Variants in ANO1 observed in about 807,000 individuals in gnomAD.
ANO1 encodes the protein anoctamin 1.
In ANO1, 59 loss-of-function variants were observed where a neutral mutation model predicts 124.0. The observed-to-expected ratio is 0.48, with a 90% CI of 0.39 to 0.59. The LOEUF is 0.59. Ranked by LOEUF, ANO1 falls within the 20% of genes least tolerant of loss-of-function variation. ANO1 has a pLI of 0.00. For synonymous variants in ANO1, 529 were observed against 532.0 expected (o/e 0.99, Z 0.08); for missense variants, 1,059 against 1,328.0 (o/e 0.80, Z 3.15).
upstream of ANO1, among the ~76,000 whole-genome samples, chr11:70,075,690 T>C (rs919181914): frequency 6.6e-6 from 1 of 152,084 alleles, no homozygotes; most frequent in African/African-American, 2.4e-5. Context: ...GTTTTAGTGA[T>C]AAAAATCACT....
In ANO1 at chr11:70,132,017, G is replaced by T. The variant is rs776936154; in HGVS notation, c.1196G>T (p.Arg399Leu). Residue 399 changes from arginine to leucine, a missense_variant, in exon 11 of 26, where the codon CGC becomes CTC. Arg to Leu is a moderately radical substitution (Grantham distance 102). Coordinates refer to ENST00000355303, the MANE Select transcript of ANO1 (RefSeq NM_018043.7). ...WKMSSACATA[R>L]ASHLFDNPAT... ...ATGAGCTCAGCCTGCGCCACGGCCC[G>T]CGCCAGCCACCTCTTCGACAACCCC... 4.4e-6 allele frequency: 7 copies of T among 1,606,460 alleles called. No individual in the cohort carries two copies. In the East Asian group the frequency reaches 6.7e-5, roughly 15 times the overall value.
At chr11:69,994,913 C>T (rs1350065842) in intron 1 of ANO1, among the ~76,000 whole-genome samples, 3 of 152,134 alleles carry the variant, frequency 2.0e-5, no homozygotes. Context: ...TTGTAATCAT[C>T]ACCATCATTC....
At chr11:70,088,444 G>A (rs1346515388) in intron 2 of ANO1, among the ~76,000 whole-genome samples, 2 of 149,568 alleles carry the variant, frequency 1.3e-5, no homozygotes, top group East Asian at 4.0e-4. Flanking sequence ...AGGAGGCAGA[G>A]GTTGCAGTGA....
At chr11:69,974,664 C>T in the ANO1 span, among the ~76,000 whole-genome samples, 1 of 152,184 alleles carries the variant, frequency 6.6e-6, no homozygotes. Flanking sequence ...CCCACATTGT[C>T]TCTGAGCCTC....
chr11:70,000,322 G>T (rs200381004), intron 1 of ANO1, among the ~76,000 whole-genome samples: 2 of 5,936 alleles, frequency 3.4e-4, no homozygotes, highest in South Asian at 0.01. Flanking sequence ...GAGATGGGCC[G>T]GGGGGGGATG....
intron 1 of ANO1, among the ~76,000 whole-genome samples, chr11:70,014,443 T>C (rs1856663650): frequency 6.6e-6 from 1 of 152,172 alleles, no homozygotes; most frequent in Admixed American, 6.5e-5. Context: ...GCAAGCCCTC[T>C]GCTCCCGAGA....
At chr11:70,013,804 A>AAAAGAAAAGAAAAGAAAAGAAAAG (rs1856645816) in intron 1 of ANO1, among the ~76,000 whole-genome samples, 2 of 130,416 alleles carry the variant, frequency 1.5e-5, no homozygotes, top group African/African-American at 6.1e-5. Context: ...TCCATCTAAA[A>AAAAGAAAAGAAAAGAAAAGAAAAG]AAAAGAAAAG....
At chr11:70,045,455 G>C (rs1857244548) in intron 1 of ANO1, among the ~76,000 whole-genome samples, 1 of 152,148 alleles carries the variant, frequency 6.6e-6, no homozygotes, top group Non-Finnish European at 1.5e-5. Flanking sequence ...GTTTTCTTGA[G>C]AGAAAAAATA....
chr11:70,078,699 G>A lies in ANO1; in HGVS notation c.93G>A (p.Leu31=), dbSNP rs776533159. The A allele has an allele frequency of 6.7e-7, 1 of 1,485,054 alleles. No homozygotes were observed. The highest frequency in any genetic ancestry group is 9.0e-7 in the Non-Finnish European group (1 of 1,105,940). 92.0% of individuals were successfully genotyped at this position (1,485,054 alleles called of 1,614,324 possible). Residue 31 remains leucine, a synonymous_variant, in exon 1 of 26, where the codon CTG becomes CTA. Transcript: ENST00000355303. ...NICAIEDIGY[L]PSEGTLLNSL... is the part of the protein sequence containing the mutation. ...GCGCCATCGAGGACATCGGCTACCT[G>A]CCGTCCGAGGGCACGGTGAGTGCGG... is the stretch of plus-strand genomic sequence containing the variant.
intron 1 of ANO1, among the ~76,000 whole-genome samples, chr11:70,026,538 T>A (rs1856911763): frequency 6.6e-6 from 1 of 151,796 alleles, no homozygotes; most frequent in African/African-American, 2.4e-5. Context: ...ATGACAATGA[T>A]GATGATAAAA....
chr11:70,117,162 C>T (rs1167993413), intron 8 of ANO1, among the ~76,000 whole-genome samples: 1 of 136,004 alleles, frequency 7.4e-6, no homozygotes, highest in African/African-American at 2.7e-5. Context: ...CCTCTGCCTC[C>T]CGGGTTCAAG....
intron 1 of ANO1, among the ~76,000 whole-genome samples, chr11:70,010,197 A>ATATATATATATATATATATATATC (rs1565159778): frequency 7.6e-6 from 1 of 131,128 alleles, no homozygotes; most frequent in African/African-American, 3.0e-5. Flanking sequence ...ATATATATAT[A>ATATATATATATATATATATATATC]TCACATTTTC....
At chr11:70,009,143 A>G (rs1283259522) in intron 1 of ANO1, among the ~76,000 whole-genome samples, 3 of 152,178 alleles carry the variant, frequency 2.0e-5, no homozygotes, top group African/African-American at 7.2e-5. Context: ...CCTTCTCTTA[A>G]CACCCAGCAG....
intron 2 of ANO1, among the ~76,000 whole-genome samples, chr11:70,101,957 C>G (rs1032876148): frequency 6.6e-6 from 1 of 152,224 alleles, no homozygotes; most frequent in African/African-American, 2.4e-5. Context: ...GCACTGTTTC[C>G]CTTCTCGTTG....
chr11:70,084,123 A>G (rs1028741036), intron 1 of ANO1, among the ~76,000 whole-genome samples: 1 of 152,124 alleles, frequency 6.6e-6, no homozygotes, highest in Non-Finnish European at 1.5e-5. Context: ...ATGAGGAGGA[A>G]TAGCCGAAGC....
intron 8 of ANO1, among the ~76,000 whole-genome samples, chr11:70,122,616 CCT>C (rs1425153346): frequency 1.3e-5 from 2 of 151,004 alleles, no homozygotes; most frequent in Non-Finnish European, 3.0e-5. Context: ...AGTCTCTCTC[CCT>C]CTTTCCCTCC....
chr11:70,111,043 C>T (rs1453490866), intron 6 of ANO1: 1 of 435,350 alleles, frequency 2.3e-6, no homozygotes, highest in African/African-American at 2.0e-5. Context: ...GCCAGAATCA[C>T]TGGCCACTGA....
intron 1 of ANO1, among the ~76,000 whole-genome samples, chr11:70,044,869 AC>A (rs1413291038): frequency 2.6e-4 from 40 of 152,192 alleles, no homozygotes; most frequent in Admixed American, 2.6e-3. Flanking sequence ...TGAATCCTGG[AC>A]CTGGAAAAAC....
intron 24 of ANO1, among the ~76,000 whole-genome samples, chr11:70,184,572 G>A (rs1317225902): frequency 6.6e-6 from 1 of 152,210 alleles, no homozygotes; most frequent in African/African-American, 2.4e-5. Flanking sequence ...AACCCTGGAG[G>A]AGGAAAAGCA....
Sources: allele counts gnomAD v4.1 joint callset (sites outside exome capture counted in the v4.1 genomes callset), GRCh38; gene constraint gnomAD v4.1.1; transcripts MANE v1.5; gene names NCBI Gene and HGNC (gene_info 2026-07-23, HGNC 2026-07-21).